The following AGBL1 variants were observed in gnomAD, a reference collection of about 807,000 sequenced individuals.
AGBL1 encodes the protein AGBL carboxypeptidase 1.
In AGBL1, 130 loss-of-function variants were observed where a neutral mutation model predicts 118.9. That is an observed-to-expected ratio of 1.09 (90% confidence interval 0.95 to 1.26). The LOEUF (loss-of-function observed/expected upper bound fraction) is 1.26. Among genes scored for constraint, AGBL1 ranks in the 50% most tolerant of loss-of-function variants. The pLI is 0.00. For missense variants in AGBL1, 1,584 were observed against 1,298.1 expected (o/e 1.22, Z -3.38); for synonymous variants, 555 against 478.9 (o/e 1.16, Z -2.08).
rs924264664 is a variant in AGBL1 at position 86,823,334 on chromosome 15, A to T, written c.3159-83753A>T. 2.9e-4 allele frequency among the ~76,000 whole-genome samples: 44 copies of T among 152,166 alleles called. 2 individuals are homozygous for T. Among genetic ancestry groups the T allele is most frequent in the Non-Finnish European group, 7.3e-5 (5 of 68,030 alleles). On this transcript the variant is annotated intron_variant, in intron 22 of 22. Coordinates refer to ENST00000614907, the MANE Select transcript of AGBL1 (RefSeq NM_001386094.1). ...ATGTCTGAGAATCTTTAATCCCCAA[A>T]TTCTCTTGAGTTCCTCAGGCCAGTA... is the stretch of plus-strand genomic sequence containing the variant.
intron 21 of AGBL1, among the ~76,000 whole-genome samples, chr15:86,580,231 C>T (rs1229084289): frequency 1.3e-5 from 2 of 152,130 alleles, no homozygotes; most frequent in Non-Finnish European, 2.9e-5. Flanking sequence ...AATTATAATG[C>T]TTATTCTTCT....
intron 22 of AGBL1, among the ~76,000 whole-genome samples, chr15:86,794,181 A>C (rs904996264): frequency 1.3e-5 from 2 of 152,262 alleles, no homozygotes; most frequent in Non-Finnish European, 2.9e-5. Context: ...GCAATAGCCA[A>C]GCAGTGAAAA....
chr15:86,834,767 A>G (rs1596533875), intron 22 of AGBL1, among the ~76,000 whole-genome samples: 1 of 152,118 alleles, frequency 6.6e-6, no homozygotes, highest in African/African-American at 2.4e-5. Context: ...GGCCACTGTC[A>G]CCTTCGACTC....
chr15:86,694,487 G>A (rs915416113), intron 22 of AGBL1, among the ~76,000 whole-genome samples: 2 of 151,990 alleles, frequency 1.3e-5, no homozygotes, highest in African/African-American at 4.8e-5. Context: ...AGTTCTAGGA[G>A]CTTTTTGATG....
intron 22 of AGBL1, among the ~76,000 whole-genome samples, chr15:86,735,210 C>T (rs543353949): frequency 1.3e-5 from 2 of 152,088 alleles, no homozygotes; most frequent in African/African-American, 4.8e-5. Context: ...ACTTCCCAAG[C>T]ATCTGGGATT....
intron 18 of AGBL1, among the ~76,000 whole-genome samples, chr15:86,500,982 A>G (rs1039665499): frequency 6.6e-6 from 1 of 151,662 alleles, no homozygotes; most frequent in African/African-American, 2.4e-5. Flanking sequence ...TTTTATGTGG[A>G]CATATATTTT....
intron 18 of AGBL1, among the ~76,000 whole-genome samples, chr15:86,454,359 T>C (rs1045976598): frequency 3.3e-5 from 5 of 152,222 alleles, no homozygotes. Flanking sequence ...TTGGAAAACA[T>C]TTTTGAAGTT....
intron 23 of AGBL1, among the ~76,000 whole-genome samples, chr15:86,935,738 T>C (rs769149195): frequency 6.6e-6 from 1 of 152,194 alleles, no homozygotes; most frequent in Non-Finnish European, 1.5e-5. Flanking sequence ...GTTGTTGTCA[T>C]GCTGTGGGAT....
chr15:86,404,804 AG>A (rs2081499680), intron 18 of AGBL1, among the ~76,000 whole-genome samples: 1 of 152,214 alleles, frequency 6.6e-6, no homozygotes, highest in Non-Finnish European at 1.5e-5. Context: ...GTTCACTATA[AG>A]CCATGCTGCT....
At chr15:86,660,013 C>T (rs2085514665) in intron 21 of AGBL1, among the ~76,000 whole-genome samples, 2 of 151,918 alleles carry the variant, frequency 1.3e-5, no homozygotes, top group African/African-American at 4.8e-5. Context: ...TGGGGAATCA[C>T]AAAGCCACAG....
chr15:86,319,768 TTTTTTTTTTTTG>T (rs1253186929), intron 17 of AGBL1, among the ~76,000 whole-genome samples: 49 of 79,130 alleles, frequency 6.2e-4, no homozygotes, highest in South Asian at 1.7e-3. Context: ...TTTTTTTTTT[TTTTTTTTTTTTG>T]AGATGGACTC....
rs757968686 is a variant in AGBL1, at chr15:86,714,670, G to A, written c.3158+40234G>A. 3.3e-4 allele frequency among the ~76,000 whole-genome samples: 50 copies of A among 152,286 alleles called. No individual in the cohort carries two copies. In the Middle Eastern group the frequency reaches 0.01, roughly 31 times the overall value. ...CTTTCCTGACAAAGTCCTCTACTGTGGAGTAAAGTCGTGACCTTGTTGTCA... is the reference window on the plus strand; with the variant it reads ...CTTTCCTGACAAAGTCCTCTACTGTAGAGTAAAGTCGTGACCTTGTTGTCA... On this transcript the variant is annotated intron_variant, in intron 22 of 22. Coordinates refer to ENST00000614907, the MANE Select transcript of AGBL1 (RefSeq NM_001386094.1).
At position 86,812,428 on chromosome 15, in the gene AGBL1, T is replaced by C. The variant is rs549144034; in HGVS notation, c.3159-94659T>C. On this transcript the variant is annotated intron_variant, in intron 22 of 22. Transcript: ENST00000614907. ...ACTAATAGAATTCTCAACTTTGCTT[T>C]GGTATTAAATTCACCTATGGAGTTC... 6.3e-4 allele frequency among the ~76,000 whole-genome samples: 96 copies of C among 152,322 alleles called. 1 individual carries two copies. Among genetic ancestry groups the C allele is most frequent in the Middle Eastern group, 3.4e-3 (1 of 294 alleles).
chr15:86,491,969 C>T (rs145488669), intron 18 of AGBL1, among the ~76,000 whole-genome samples: 494 of 152,090 alleles, frequency 3.2e-3, no homozygotes, highest in African/African-American at 0.012. Context: ...ACTACACATT[C>T]ATGATTTATC....
intron 1 of AGBL1, among the ~76,000 whole-genome samples, chr15:86,123,318 C>A (rs968247016): frequency 6.6e-6 from 1 of 152,198 alleles, no homozygotes; most frequent in Non-Finnish European, 1.5e-5. Context: ...CAGCTCACTG[C>A]AACCTCTGCC....
chr15:86,888,037 A>G (rs1338147164), intron 22 of AGBL1, among the ~76,000 whole-genome samples: 4 of 152,176 alleles, frequency 2.6e-5, no homozygotes, highest in Non-Finnish European at 4.4e-5. Context: ...GGCTGCCTCT[A>G]CATGCCAAAG....
downstream of AGBL1, among the ~76,000 whole-genome samples, chr15:86,920,988 G>T (rs142805870): frequency 3.9e-3 from 596 of 152,246 alleles, 6 homozygotes; most frequent in African/African-American, 0.014. Flanking sequence ...TTCATTTTCA[G>T]AGTGCCAAGC....
At chr15:86,813,159 C>T (rs894092956) in intron 22 of AGBL1, among the ~76,000 whole-genome samples, 6 of 151,726 alleles carry the variant, frequency 4.0e-5, no homozygotes, top group African/African-American at 1.5e-4. Flanking sequence ...ACACATGGGA[C>T]CTTCAGGCTG....
intron 17 of AGBL1, among the ~76,000 whole-genome samples, chr15:86,364,958 CATATATATATATAT>C (rs72116454): frequency 1.3e-5 from 1 of 76,138 alleles, no homozygotes; most frequent in African/African-American, 3.8e-5. Context: ...ATATGTCACA[CATATATATATATAT>C]ATATATATAT....
Sources: gnomAD v4.1 joint callset for allele counts (sites outside exome capture counted in the v4.1 genomes callset) on GRCh38, gnomAD v4.1.1 for gene constraint, MANE v1.5 for transcripts, NCBI Gene and HGNC (gene_info 2026-07-23, HGNC 2026-07-21) for gene names.